TBL1X: variants seen among roughly 807,000 people sequenced by gnomAD.
The protein encoded by TBL1X is F-box-like/WD repeat-containing protein TBL1X.
In TBL1X, 10 loss-of-function variants were observed where a neutral mutation model predicts 50.7. The observed-to-expected ratio is 0.20, with a 90% CI of 0.12 to 0.33. The LOEUF (loss-of-function observed/expected upper bound fraction) is 0.33, where lower values mean the gene tolerates loss of function less well. Among genes scored for constraint, TBL1X ranks in the 10% least tolerant of loss-of-function variants. The pLI is 1.00. For synonymous variants in TBL1X, 190 were observed against 214.7 expected (o/e 0.88, Z 1.01); for missense variants, 340 against 504.4 (o/e 0.67, Z 3.12).
At chrX:9,701,594 A>G (rs1200736452) in intron 12 of TBL1X, among the ~76,000 whole-genome samples, 57 of 91,781 alleles carry the variant, frequency 6.2e-4, no homozygotes, top group East Asian at 1.6e-3. Flanking sequence ...AAAAAAAAAA[A>G]AAGAAGAAGA....
chrX:9,585,564 C>A (rs923544492), intron 2 of TBL1X, among the ~76,000 whole-genome samples: 2 of 110,854 alleles, frequency 1.8e-5, no homozygotes, highest in Admixed American at 1.9e-4. Context: ...TGGGTTCGTT[C>A]CCTAGGCTCC....
chrX:9,546,879 C>A (rs1419647770), intron 2 of TBL1X, among the ~76,000 whole-genome samples: 1 of 83,082 alleles, frequency 1.2e-5, no homozygotes, highest in Non-Finnish European at 2.2e-5. Flanking sequence ...AGTGCAGTGG[C>A]GCGATCTCGG....
intron 2 of TBL1X, among the ~76,000 whole-genome samples, chrX:9,530,816 G>T (rs1247418860): frequency 1.8e-5 from 2 of 111,644 alleles, no homozygotes; most frequent in Non-Finnish European, 3.8e-5. Context: ...CTTTTAAATG[G>T]CACGTTTTAC....
chrX:9,586,841 A>G (rs772784731), intron 2 of TBL1X, among the ~76,000 whole-genome samples: 6 of 112,064 alleles, frequency 5.4e-5, no homozygotes, highest in African/African-American at 1.9e-4. Flanking sequence ...TCAAGGCTGC[A>G]GTGAGCTATG....
chrX:9,520,727 C>T (rs1202567987), intron 2 of TBL1X, among the ~76,000 whole-genome samples: 3 of 109,870 alleles, frequency 2.7e-5, no homozygotes, highest in Non-Finnish European at 5.7e-5. Flanking sequence ...AGACGTAGAA[C>T]AGCACTTGAC....
intron 1 of TBL1X, among the ~76,000 whole-genome samples, chrX:9,494,647 G>A (rs762510024): frequency 1.8e-5 from 2 of 111,637 alleles, no homozygotes; most frequent in Middle Eastern, 4.6e-3. Flanking sequence ...GTCATCTTTC[G>A]TGAATTTGCT....
intron 3 of TBL1X, among the ~76,000 whole-genome samples, chrX:9,648,761 A>G (rs1485956386): frequency 8.9e-6 from 1 of 112,475 alleles, no homozygotes; most frequent in Non-Finnish European, 1.9e-5. Context: ...GAGTTCTGCT[A>G]CACTACGAAT....
chrX:9,551,308 G>A (rs1416260554), intron 2 of TBL1X, among the ~76,000 whole-genome samples: 4 of 109,023 alleles, frequency 3.7e-5, no homozygotes, highest in African/African-American at 6.7e-5. Flanking sequence ...GAATGGTGCC[G>A]CCTGGTCAAG....
chrX:9,594,712 G>A (rs1331312428), intron 2 of TBL1X, among the ~76,000 whole-genome samples: 1 of 112,290 alleles, frequency 8.9e-6, no homozygotes, highest in African/African-American at 3.2e-5. Flanking sequence ...TCTGGAGCCA[G>A]ATATTTTAGG....
chrX:9,579,018 A>G (rs1158507893), intron 2 of TBL1X, among the ~76,000 whole-genome samples: 1 of 111,912 alleles, frequency 8.9e-6, no homozygotes, highest in Non-Finnish European at 1.9e-5. Flanking sequence ...GCAGAGACCT[A>G]GTAGGTACTC....
At chrX:9,530,137 G>A (rs1307417184) in intron 2 of TBL1X, among the ~76,000 whole-genome samples, 1 of 111,601 alleles carries the variant, frequency 9.0e-6, no homozygotes, top group Non-Finnish European at 1.9e-5. Flanking sequence ...ACAAACAGGA[G>A]AGCCCTGTTA....
intron 2 of TBL1X, among the ~76,000 whole-genome samples, chrX:9,576,874 C>T (rs2044906452): frequency 9.2e-6 from 1 of 109,281 alleles, no homozygotes; most frequent in Non-Finnish European, 1.9e-5. Context: ...GTGGAGTGCA[C>T]CTGTAGTCTT....
chrX:9,523,798 G>T (rs779240215), intron 2 of TBL1X, among the ~76,000 whole-genome samples: 1 of 111,302 alleles, frequency 9.0e-6, no homozygotes, highest in South Asian at 3.7e-4. Flanking sequence ...GAGTGAAGCC[G>T]CAGAGGTCTC....
At chrX:9,513,122 A>G (rs1012266157) in intron 2 of TBL1X, among the ~76,000 whole-genome samples, 1 of 110,936 alleles carries the variant, frequency 9.0e-6, no homozygotes, top group African/African-American at 3.3e-5. Flanking sequence ...GAGGAAACAA[A>G]CAAAGCATGC....
intron 2 of TBL1X, among the ~76,000 whole-genome samples, chrX:9,528,708 C>CCG (rs2082144837): frequency 1.2e-4 from 1 of 8,445 alleles, no homozygotes. Flanking sequence ...GGGGTGGGGT[C>CCG]AGTGGGGGCG....
intron 2 of TBL1X, among the ~76,000 whole-genome samples, chrX:9,506,712 A>AT (rs2082027977): frequency 8.9e-6 from 1 of 112,120 alleles, no homozygotes; most frequent in Non-Finnish European, 1.9e-5. Context: ...TCCTGCACGC[A>AT]TACACCCTAC....
chrX:9,678,521 G>A (rs2083007666), intron 5 of TBL1X, among the ~76,000 whole-genome samples: 1 of 112,714 alleles, frequency 8.9e-6, no homozygotes, highest in African/African-American at 3.2e-5. Context: ...TTGGATAGCT[G>A]TAAGTATTAC....
chrX:9,497,537 G>T (rs1472441975), intron 1 of TBL1X, among the ~76,000 whole-genome samples: 1 of 111,130 alleles, frequency 9.0e-6, no homozygotes, highest in Admixed American at 9.6e-5. Context: ...AAGCTCAGGG[G>T]TTGCTATGTG....
Position 9,717,553 on chromosome X carries a change from G to A in TBL1X, c.*1307G>A, listed in dbSNP as rs948409250. On this transcript the variant is annotated 3_prime_UTR_variant, in exon 18 of 18. Transcript: ENST00000645353. Reference sequence around the variant, plus strand: ...TGTGTATGCACCTTGGCAGCCAGCAGGAAAGCAGCGAAGAGCCGCGCGCCC... The same window carrying A: ...TGTGTATGCACCTTGGCAGCCAGCAAGAAAGCAGCGAAGAGCCGCGCGCCC... The A allele has an allele frequency of 2.7e-5, 3 of 113,155 alleles. No individual in the cohort carries two copies. The highest frequency in any genetic ancestry group is 5.6e-5 in the Non-Finnish European group (3 of 53,467). 9.3% of individuals were successfully genotyped at this position (113,155 alleles called of 1,213,427 possible).
Sources: gnomAD v4.1 joint callset for allele counts (sites outside exome capture counted in the v4.1 genomes callset) on GRCh38, gnomAD v4.1.1 for gene constraint, MANE v1.5 for transcripts, NCBI Gene and HGNC (gene_info 2026-07-23, HGNC 2026-07-21) for gene names.